CCDC88C: variants seen among roughly 807,000 people sequenced by gnomAD.
The protein encoded by CCDC88C is protein Daple.
Under a neutral mutation model 198.8 loss-of-function variants are expected in CCDC88C, and 131 were observed. The ratio of observed to expected loss-of-function variants is 0.66; its 90% CI spans 0.57 to 0.76. The LOEUF is 0.76. Ranked by LOEUF, CCDC88C falls within the 30% of genes least tolerant of loss-of-function variation. CCDC88C has a pLI of 0.00. For synonymous variants in CCDC88C, 1,166 were observed against 1,114.7 expected, an observed-to-expected ratio of 1.05 and a Z score of -0.92; for missense variants, 2,553 against 2,631.6, an observed-to-expected ratio of 0.97 and a Z score of 0.65.
At position 91,339,508 on chromosome 14, in the gene CCDC88C, A is replaced by G. The variant is rs1184264237; in HGVS notation, c.625-46T>C. 3 of 1,543,260 alleles carry G rather than the reference A, an allele frequency of 1.9e-6. No homozygotes were observed. The highest frequency in any genetic ancestry group is 2.6e-6 in the Non-Finnish European group (3 of 1,134,106). The stretch of plus-strand genomic sequence containing the variant: ...GGATGGAGGAGAACAAACGGGGTTA[A>G]CCAGCACAACGCCTGAGCTTGAACA... On this transcript the variant is annotated intron_variant, in intron 7 of 29. Transcript: ENST00000389857. This position sits in a 1 kb window ranked among gnomAD's most constrained non-coding sequence, Gnocchi z 5.8.
Position 91,273,029 on chromosome 14 carries a change from TCTC to T in CCDC88C, c.5680_5682del (p.Glu1894del). 9.0e-6 allele frequency: 14 copies of T among 1,554,758 alleles called. No individual in the cohort carries two copies. Among genetic ancestry groups the T allele is most frequent in the Non-Finnish European group, 1.2e-5 (14 of 1,153,888 alleles). On this transcript the variant is annotated inframe_deletion, in exon 30 of 30. Transcript: ENST00000389857. The surrounding 1 kb of genome is among the most constrained non-coding windows in gnomAD (Gnocchi z 5.6). Reference sequence around the variant, plus strand: ...GCAGACTGATGCAGGGGGGCCAGCCTCTCCTCCTTTGGGGGAGCCAGGGAGAAG... The same window carrying T: ...GCAGACTGATGCAGGGGGGCCAGCCTCTCCTTTGGGGGAGCCAGGGAGAAG...
intron 3 of CCDC88C, among the ~76,000 whole-genome samples, chr14:91,360,729 G>A (rs969051297): frequency 2.6e-5 from 4 of 152,196 alleles, no homozygotes; most frequent in Non-Finnish European, 5.9e-5. Flanking sequence ...GCTCGTCTGG[G>A]TACAGGCTCT....
At chr14:91,395,616 C>G (rs981900481) in intron 3 of CCDC88C, among the ~76,000 whole-genome samples, 5 of 152,124 alleles carry the variant, frequency 3.3e-5, no homozygotes, top group Non-Finnish European at 5.9e-5. Context: ...CTGGCTCACC[C>G]ACTTCCACCA....
chr14:91,281,923 G>A (rs1046293757), intron 26 of CCDC88C, among the ~76,000 whole-genome samples: 3 of 152,206 alleles, frequency 2.0e-5, no homozygotes, highest in African/African-American at 7.2e-5. Flanking sequence ...GGAGGAAGAA[G>A]GAAGAAAAAG....
chr14:91,404,337 T>C (rs1331165319), intron 3 of CCDC88C, among the ~76,000 whole-genome samples: 24 of 152,182 alleles, frequency 1.6e-4, no homozygotes, highest in Admixed American at 1.6e-3. Flanking sequence ...GAGACGTGAA[T>C]CTGGTGTATG....
chr14:91,294,082 C>T (rs771782707), intron 23 of CCDC88C, 91 bp downstream of exon 23: 2 of 1,477,686 alleles, frequency 1.4e-6, no homozygotes, highest in Non-Finnish European at 1.9e-6. Flanking sequence ...CCCAGGGGCT[C>T]CTCTCTGCAT....
intron 4 of CCDC88C, among the ~76,000 whole-genome samples, chr14:91,349,723 T>G (rs1893700504): frequency 6.6e-6 from 1 of 152,132 alleles, no homozygotes; most frequent in Admixed American, 6.5e-5. Context: ...CAGCCTTTCT[T>G]AGCAGAAATG....
At position 91,273,616 on chromosome 14, in the gene CCDC88C, T is replaced by A; in HGVS notation, c.5096A>T (p.Tyr1699Phe). 1 of 1,489,732 alleles carries A rather than the reference T, an allele frequency of 6.7e-7. No homozygotes were observed. Among genetic ancestry groups the A allele is most frequent in the Non-Finnish European group, 8.9e-7 (1 of 1,118,898 alleles). 92.3% of individuals were successfully genotyped at this position (1,489,732 alleles called of 1,614,324 possible). Residue 1699 changes from tyrosine (Y) to phenylalanine (F), a missense_variant, in exon 30 of 30, where the codon TAC becomes TTC. Physicochemically the swap from Tyr to Phe is conservative, Grantham distance 22. This residue lies in a region of CCDC88C where 1,293 missense variants were observed against 1,219.6 expected (regional missense o/e 1.06). Coordinates refer to ENST00000389857, the MANE Select transcript of CCDC88C (RefSeq NM_001080414.4). This position sits in a 1 kb window ranked among gnomAD's most constrained non-coding sequence, Gnocchi z 5.6. ...TGGGGGATCGCTGGCCTTTCGGAAG[T>A]AGTCACTCAGCAGGTCATCCCGGCA... ...PSCRDDLLSD[Y>F]FRKASDPPAI...
intron 14 of CCDC88C, 73 bp downstream of exon 14, chr14:91,315,577 A>C: frequency 6.5e-7 from 1 of 1,533,480 alleles, no homozygotes; most frequent in East Asian, 2.3e-5. Flanking sequence ...CAGTACCAGG[A>C]ATGGCTGTAA....
At position 91,291,630 on chromosome 14, in the gene CCDC88C, C is replaced by T. The variant is rs114465989; in HGVS notation, c.4113-546G>A. ...ACAGCAGGGCTGGAGAAACCAGGGG[C>T]GCTAGTGGGGACTGCAGTGAGCCCC... On this transcript the variant is annotated intron_variant, in intron 23 of 29. Transcript: ENST00000389857. 5.6e-3 allele frequency among the ~76,000 whole-genome samples: 848 copies of T among 152,218 alleles called. 6 individuals carry two copies. Among genetic ancestry groups the T allele is most frequent in the African/African-American group, 0.019 (807 of 41,542 alleles).
chr14:91,359,571 T>C lies in CCDC88C; in HGVS notation c.340+71A>G, dbSNP rs1245809506. 4 of 1,253,458 alleles carry C rather than the reference T, an allele frequency of 3.2e-6. No homozygotes were observed. The African/African-American group carries it at 4.4e-5, about 14-fold the overall frequency. 77.6% of individuals were successfully genotyped at this position (1,253,458 alleles called of 1,614,324 possible). A position where few individuals can be genotyped will look rare whatever the true frequency, so the allele number is the denominator to read the frequency against. ...GCCCAAGCTGGCAGCCGGAGCTCGATGGCCAGCAGCTGCCCAACGCCATGC... is the reference window on the plus strand; with the variant it reads ...GCCCAAGCTGGCAGCCGGAGCTCGACGGCCAGCAGCTGCCCAACGCCATGC... On this transcript the variant is annotated intron_variant, in intron 4 of 29. Transcript: ENST00000389857.
intron 3 of CCDC88C, among the ~76,000 whole-genome samples, chr14:91,361,405 T>C (rs1008190948): frequency 5.3e-5 from 8 of 152,176 alleles, no homozygotes; most frequent in Admixed American, 5.2e-4. Flanking sequence ...TCAGACCATC[T>C]CTGAGTCAGA....
chr14:91,359,924 T>C (rs1866804413), intron 3 of CCDC88C, among the ~76,000 whole-genome samples: 1 of 151,722 alleles, frequency 6.6e-6, no homozygotes, highest in African/African-American at 2.4e-5. Flanking sequence ...TGTTAGCAAA[T>C]AAAAAGTATG....
chr14:91,358,886 A>G (rs1894164557), intron 4 of CCDC88C, among the ~76,000 whole-genome samples: 2 of 152,164 alleles, frequency 1.3e-5, no homozygotes, highest in African/African-American at 4.8e-5. Flanking sequence ...TGAGTCCAAC[A>G]GGGAGACATA....
At chr14:91,317,247 G>A (rs116023719) in intron 13 of CCDC88C, among the ~76,000 whole-genome samples, 3,165 of 152,328 alleles carry the variant, frequency 0.021, 128 homozygotes, top group African/African-American at 0.072. Context: ...GGGAACTATG[G>A]TTTCCAGAGG....
intron 3 of CCDC88C, among the ~76,000 whole-genome samples, chr14:91,401,489 C>T (rs1418871697): frequency 1.3e-5 from 2 of 151,356 alleles, no homozygotes; most frequent in Non-Finnish European, 2.9e-5. Flanking sequence ...CGCCCACCAC[C>T]ACACCAGGCT....
At chr14:91,337,799 C>A (rs1893113683) in intron 10 of CCDC88C, among the ~76,000 whole-genome samples, 1 of 152,244 alleles carries the variant, frequency 6.6e-6, no homozygotes, top group Non-Finnish European at 1.5e-5. Context: ...ATCAATTACA[C>A]TCCTTACCCT....
chr14:91,351,071 C>G (rs2139885767), intron 4 of CCDC88C, among the ~76,000 whole-genome samples: 1 of 152,274 alleles, frequency 6.6e-6, no homozygotes, highest in East Asian at 1.9e-4. Context: ...GTTGTTTAAC[C>G]AGCGTTTGCT....
At chr14:91,356,785 A>T (rs1189011008) in intron 4 of CCDC88C, among the ~76,000 whole-genome samples, 1 of 151,998 alleles carries the variant, frequency 6.6e-6, no homozygotes, top group Non-Finnish European at 1.5e-5. Flanking sequence ...CTGCCCATGG[A>T]CAATCTCTGT....
Sources: allele counts gnomAD v4.1 joint callset (sites outside exome capture counted in the v4.1 genomes callset), GRCh38; gene constraint gnomAD v4.1.1; regional missense constraint gnomAD v4.1.1; non-coding constraint Gnocchi (gnomAD v3.1); transcripts MANE v1.5; gene names NCBI Gene and HGNC (gene_info 2026-07-23, HGNC 2026-07-21).